Variants in CNOT10 observed in about 807,000 individuals in gnomAD.
CNOT10 encodes the protein CCR4-NOT transcription complex, subunit 10.
Under a neutral mutation model 94.6 loss-of-function variants are expected in CNOT10, and 30 were observed. The ratio of observed to expected loss-of-function variants is 0.32; its 90% CI spans 0.24 to 0.43. The LOEUF (loss-of-function observed/expected upper bound fraction) is 0.43. Among genes scored for constraint, CNOT10 ranks in the 20% least tolerant of loss-of-function variants. CNOT10 has a pLI of 1.00. For missense variants in CNOT10, 759 were observed against 877.2 expected (o/e 0.87, Z 1.70); for synonymous variants, 289 against 301.6 (o/e 0.96, Z 0.43).
rs112246034 is a variant in CNOT10 at position 32,753,290 on chromosome 3, C to A, written c.1596-6168C>A. 29 of 883,716 alleles carry A rather than the reference C, an allele frequency of 3.3e-5. No individual in the cohort carries two copies. In the African/African-American group the frequency reaches 3.4e-4, roughly 10 times the overall value. The allele number at this position is 883,716 out of a possible 1,614,324, so 54.7% of individuals were successfully genotyped here. On this transcript the variant is annotated intron_variant, in intron 13 of 18. Transcript: ENST00000328834. ...AAGATGTCAAGAAGCTCAGAATGGC[C>A]CAGAATCTGATGTGTGGACTCATCA...
intron 1 of CNOT10, among the ~76,000 whole-genome samples, chr3:32,691,664 A>G (rs1696854850): frequency 6.6e-6 from 1 of 152,218 alleles, no homozygotes; most frequent in Non-Finnish European, 1.5e-5. Context: ...CTTCATCTCT[A>G]AATATTTCAA....
intron 12 of CNOT10, among the ~76,000 whole-genome samples, chr3:32,736,318 C>T (rs1435069901): frequency 6.6e-6 from 1 of 152,072 alleles, no homozygotes; most frequent in Non-Finnish European, 1.5e-5. Flanking sequence ...AACTCCTTAC[C>T]TCAAGTGATC....
intron 10 of CNOT10, among the ~76,000 whole-genome samples, chr3:32,728,885 G>C (rs1306227672): frequency 6.6e-6 from 1 of 152,110 alleles, no homozygotes; most frequent in Non-Finnish European, 1.5e-5. Context: ...TGGATCACGA[G>C]GTCAGGAGAT....
At chr3:32,695,602 C>T (rs1390393847) in intron 1 of CNOT10, 1 of 1,534,958 alleles carries the variant, frequency 6.5e-7, no homozygotes, top group African/African-American at 1.4e-5. Context: ...TAGTTCAAAC[C>T]TAAAGGCAAT....
chr3:32,720,044 C>A, intron 7 of CNOT10, 70 bp from the exon 8 acceptor site: 1 of 692,564 alleles, frequency 1.4e-6, no homozygotes, highest in Non-Finnish European at 2.5e-6. Context: ...GTCAGTACAA[C>A]AGTATAATTA....
rs142921705 is a variant in CNOT10 at position 32,707,408 on chromosome 3, C to T, written c.280-1262C>T. 1.8e-3 allele frequency among the ~76,000 whole-genome samples: 275 copies of T among 151,740 alleles called. 1 individual carries two copies. The highest frequency in any genetic ancestry group is 6.4e-3 in the African/African-American group (264 of 41,378). On this transcript the variant is annotated intron_variant, in intron 3 of 18. Coordinates refer to ENST00000328834, the MANE Select transcript of CNOT10 (RefSeq NM_015442.3). ...CTTTAAAAAAATCTATTCTTTTTTA[C>T]GGGAACGAAACCTGAAAATATACTT...
intron 4 of CNOT10, among the ~76,000 whole-genome samples, chr3:32,710,810 TG>T (rs1308982908): frequency 2.0e-5 from 3 of 152,182 alleles, no homozygotes; most frequent in Non-Finnish European, 4.4e-5. Flanking sequence ...AACCTCCACC[TG>T]CCAGGCCCAA....
At chr3:32,753,463 A>G in intron 13 of CNOT10, 2 of 1,551,932 alleles carry the variant, frequency 1.3e-6, no homozygotes, top group Non-Finnish European at 1.8e-6. Flanking sequence ...AGAGGATTAC[A>G]ATTTGAAACT....
intron 8 of CNOT10, among the ~76,000 whole-genome samples, chr3:32,721,277 G>A (rs1195019153): frequency 1.3e-5 from 2 of 151,110 alleles, no homozygotes; most frequent in South Asian, 2.1e-4. Flanking sequence ...TGCCTAGGCT[G>A]TATCGAACTC....
At chr3:32,721,056 C>CTTT (rs1288411503) in intron 8 of CNOT10, among the ~76,000 whole-genome samples, 2 of 83,102 alleles carry the variant, frequency 2.4e-5, no homozygotes, top group Admixed American at 3.2e-4. Flanking sequence ...CCTTTCTTTC[C>CTTT]TTTCTTTTTT....
At position 32,703,907 on chromosome 3, in the gene CNOT10, CTG is replaced by C; in HGVS notation, c.63_64del (p.Gly22AspfsTer3). 1 of 1,613,918 alleles carries C rather than the reference CTG, an allele frequency of 6.2e-7. No individual in the cohort carries two copies. The highest frequency in any genetic ancestry group is 8.5e-7 in the Non-Finnish European group (1 of 1,179,828). On this transcript the variant is annotated frameshift_variant, in exon 2 of 19. Transcript: ENST00000328834. LOFTEE classifies it high-confidence loss of function. ...AAACATGAAGGCACAGGTCAGTCCT[CTG>C]GGATCACTGATCAAGAGAAGGAGTT...
intron 9 of CNOT10, among the ~76,000 whole-genome samples, chr3:32,726,774 C>T (rs901645578): frequency 6.7e-5 from 10 of 148,438 alleles, no homozygotes; most frequent in East Asian, 2.0e-4. Flanking sequence ...CAAGGTAGAC[C>T]GAAACATTGA....
intron 1 of CNOT10, chr3:32,695,591 T>G: frequency 6.5e-7 from 1 of 1,533,650 alleles, no homozygotes; most frequent in South Asian, 1.2e-5. Flanking sequence ...TCTTTTCTGC[T>G]TAGTTCAAAC....
intron 1 of CNOT10, among the ~76,000 whole-genome samples, chr3:32,686,060 A>C (rs1478166366): frequency 1.3e-5 from 2 of 152,196 alleles, no homozygotes; most frequent in Non-Finnish European, 2.9e-5. Context: ...TTATTTAAAA[A>C]GGCATAAAAT....
chr3:32,745,191 C>G (rs1475600680), intron 13 of CNOT10, among the ~76,000 whole-genome samples: 1 of 152,106 alleles, frequency 6.6e-6, no homozygotes, highest in Non-Finnish European at 1.5e-5. Context: ...CTCTCATATA[C>G]TTTAAGTCAT....
intron 3 of CNOT10, 147 bp from the exon 4 acceptor site, chr3:32,708,523 A>C: frequency 1.6e-6 from 1 of 631,574 alleles, no homozygotes; most frequent in African/African-American, 1.9e-5. Context: ...ATGTGAGAGT[A>C]ATTAAAATCT....
chr3:32,708,698 G>A lies in CNOT10; in HGVS notation c.308G>A (p.Gly103Glu), dbSNP rs1402044733. The change falls in exon 4 of 19, where the codon GGA becomes GAA. Residue 103 changes from glycine (G) to glutamate (E), a missense_variant. This residue lies in a region of CNOT10 where 682 missense variants were observed against 799.4 expected (regional missense o/e 0.85). Coordinates refer to ENST00000328834, the MANE Select transcript of CNOT10 (RefSeq NM_015442.3). ...CACTCAGCTGTTGAAGAAATGGATG[G>A]ATTAGATGATGTTGAAAACAGCATG... is the stretch of plus-strand genomic sequence containing the variant. ...QVHSAVEEMD[G>E]LDDVENSMLY... 1 of 1,612,888 alleles carries A rather than the reference G, an allele frequency of 6.2e-7. No homozygotes were observed.
chr3:32,753,411 T>G (rs1159777570), intron 13 of CNOT10: 1 of 1,476,902 alleles, frequency 6.8e-7, no homozygotes, highest in African/African-American at 1.4e-5. Flanking sequence ...ATGTGGAATT[T>G]TCAGAAAAGG....
rs553810661 is a variant in CNOT10 at position 32,739,734 on chromosome 3, A to C, written c.1595+2244A>C. 3.1e-4 allele frequency among the ~76,000 whole-genome samples: 47 copies of C among 152,148 alleles called. No homozygotes were observed. The East Asian group carries it at 6.8e-3, about 22-fold the overall frequency. On this transcript the variant is annotated intron_variant, in intron 13 of 18. Coordinates refer to ENST00000328834, the MANE Select transcript of CNOT10 (RefSeq NM_015442.3). ...GAGGTCAGGAGTTCGAGATCAGCCT[A>C]GCCAACATGGTGAAACCCCATCTCT...
Sources: allele counts gnomAD v4.1 joint callset (sites outside exome capture counted in the v4.1 genomes callset), GRCh38; gene constraint gnomAD v4.1.1; regional missense constraint gnomAD v4.1.1; transcripts MANE v1.5; gene names NCBI Gene and HGNC (gene_info 2026-07-23, HGNC 2026-07-21).